The following MAEL variants were observed in gnomAD, a reference collection of about 807,000 sequenced individuals.
MAEL encodes the protein protein maelstrom homolog.
A neutral mutation model predicts 62.0 loss-of-function variants in MAEL; 46 were observed. The ratio of observed to expected loss-of-function variants is 0.74; its 90% CI spans 0.59 to 0.95. The LOEUF is 0.95. Ranked by LOEUF, MAEL falls within the 40% of genes least tolerant of loss-of-function variation. MAEL has a pLI of 0.00. For synonymous variants in MAEL, 172 were observed against 175.5 expected (o/e 0.98, Z 0.16); for missense variants, 497 against 526.8 (o/e 0.94, Z 0.55).
chr1:167,017,716 A>C (rs1159278458), intron 9 of MAEL, 111 bp from the exon 10 acceptor site: 2 of 920,110 alleles, frequency 2.2e-6, no homozygotes, highest in African/African-American at 3.4e-5. Flanking sequence ...ATTTTTTCCC[A>C]GTTTATAACA....
intron 1 of MAEL, 73 bp from the exon 2 acceptor site, chr1:166,989,664 C>T: frequency 1.3e-6 from 2 of 1,496,398 alleles, no homozygotes; most frequent in Non-Finnish European, 1.8e-6. Flanking sequence ...AATGCCCCAG[C>T]ATCTGCCTGC....
intron 5 of MAEL, among the ~76,000 whole-genome samples, chr1:167,001,394 C>T (rs1248362733): frequency 2.6e-5 from 4 of 152,120 alleles, no homozygotes; most frequent in Non-Finnish European, 5.9e-5. Context: ...ACCACCTGTT[C>T]CCCAAAAACC....
At chr1:167,021,262 A>C (rs1012687676) in intron 11 of MAEL, 102 bp downstream of exon 11, 8 of 803,030 alleles carry the variant, frequency 1.0e-5, no homozygotes, top group Non-Finnish European at 1.4e-5. Flanking sequence ...AATTAGCTTT[A>C]GGATATAAGA....
At chr1:166,983,580 C>G (rs1008267451) in intron 1 of MAEL, among the ~76,000 whole-genome samples, 3 of 152,174 alleles carry the variant, frequency 2.0e-5, no homozygotes, top group African/African-American at 7.2e-5. Context: ...GATCCACCCC[C>G]TCCACATATT....
chr1:166,988,786 G>A (rs1207164674), upstream of MAEL, among the ~76,000 whole-genome samples: 1 of 152,104 alleles, frequency 6.6e-6, no homozygotes, highest in Non-Finnish European at 1.5e-5. Flanking sequence ...CTCTTCCTCT[G>A]TTTCCTTCTA....
chr1:166,991,662 G>GTTT (rs149104032), intron 3 of MAEL, among the ~76,000 whole-genome samples, 185 bp downstream of exon 3: 1 of 148,450 alleles, frequency 6.7e-6, no homozygotes, highest in African/African-American at 2.5e-5. Context: ...TAGGAGAGTG[G>GTTT]TTTTTTTTTT....
chr1:167,017,216 T>C (rs1665432832), intron 9 of MAEL, among the ~76,000 whole-genome samples: 1 of 152,146 alleles, frequency 6.6e-6, no homozygotes, highest in South Asian at 2.1e-4. Flanking sequence ...TACTACACAT[T>C]GCATGCTTGT....
chr1:166,980,662 G>A (rs1663733866), intron 1 of MAEL, among the ~76,000 whole-genome samples: 1 of 152,178 alleles, frequency 6.6e-6, no homozygotes, highest in Non-Finnish European at 1.5e-5. Flanking sequence ...GAAGGTTACT[G>A]CTCTTTTAGG....
At chr1:167,020,093 A>G (rs2102134402) in intron 10 of MAEL, among the ~76,000 whole-genome samples, 1 of 152,286 alleles carries the variant, frequency 6.6e-6, no homozygotes, top group African/African-American at 2.4e-5. Context: ...ACTGGGATAT[A>G]CAATTCATTT....
intron 5 of MAEL, among the ~76,000 whole-genome samples, chr1:166,997,502 T>C (rs1664479588): frequency 6.6e-6 from 1 of 152,190 alleles, no homozygotes; most frequent in Admixed American, 6.5e-5. Context: ...ACTCTCTTTA[T>C]GGTGTCTTTT....
chr1:167,007,226 C>A (rs936483232), intron 8 of MAEL, among the ~76,000 whole-genome samples: 1 of 151,058 alleles, frequency 6.6e-6, no homozygotes, highest in African/African-American at 2.4e-5. Context: ...ACATTTTAAT[C>A]TATTATTGTA....
chr1:167,016,112 G>A (rs540788383), intron 8 of MAEL, 110 bp from the exon 9 acceptor site: 118 of 917,644 alleles, frequency 1.3e-4, no homozygotes, highest in Non-Finnish European at 1.9e-4. Flanking sequence ...TGAAGTTTTA[G>A]TCTTCAAGTA....
At chr1:167,020,924 C>G (rs1177847627) in intron 10 of MAEL, among the ~76,000 whole-genome samples, 161 bp from the exon 11 acceptor site, 1 of 152,066 alleles carries the variant, frequency 6.6e-6, no homozygotes, top group African/African-American at 2.4e-5. Context: ...CAAAGTCTAT[C>G]CTATTTTCTC....
At chr1:167,000,012 A>T (rs912504969) in intron 5 of MAEL, among the ~76,000 whole-genome samples, 5 of 152,216 alleles carry the variant, frequency 3.3e-5, no homozygotes, top group Admixed American at 1.3e-4. Flanking sequence ...CATTGACATT[A>T]GACCTAGTCA....
rs1665636327 is a variant in MAEL at position 167,021,700 on chromosome 1, C to CA, written c.1154dup (p.Asn385LysfsTer30). Reference sequence around the variant, plus strand: ...CCCATCTAGGGCAAAAATTTCTGGCCAAAACAGCAGCGTTCGGGGAAGAGG... The same window carrying CA: ...CCCATCTAGGGCAAAAATTTCTGGCCAAAAACAGCAGCGTTCGGGGAAGAGG... On this transcript the variant is annotated frameshift_variant, in exon 12 of 12. Transcript: ENST00000367872. LOFTEE classifies it high-confidence loss of function. 12 of 1,608,508 alleles carry CA rather than the reference C, an allele frequency of 7.5e-6. No homozygotes were observed. Among genetic ancestry groups the CA allele is most frequent in the African/African-American group, 1.3e-5 (1 of 74,636 alleles).
At chr1:166,980,198 T>C (rs566973006) in intron 1 of MAEL, among the ~76,000 whole-genome samples, 96 of 146,090 alleles carry the variant, frequency 6.6e-4, no homozygotes, top group African/African-American at 2.2e-3. Context: ...TTAATTTGTA[T>C]TTTTTTTTTT....
chr1:167,009,995 A>G (rs1272970589), intron 8 of MAEL, among the ~76,000 whole-genome samples: 1 of 152,148 alleles, frequency 6.6e-6, no homozygotes, highest in Non-Finnish European at 1.5e-5. Flanking sequence ...GGTAATTGAT[A>G]TACTTTGGCT....
chr1:166,996,114 A>G lies in MAEL; in HGVS notation c.523+2045A>G, dbSNP rs536900845. On this transcript the variant is annotated intron_variant, in intron 5 of 11. Transcript: ENST00000367872. ...GGGAAATGTGCCAATTAAATAAGAT[A>G]AAAATGACTATTAGAGTCACACCTG... Among the ~76,000 whole-genome samples the G allele has an allele frequency of 3.4e-3, 515 of 152,364 alleles. 1 individual carries two copies. The highest frequency in any genetic ancestry group is 0.011 in the African/African-American group (462 of 41,580).
chr1:167,002,168 G>T (rs900599222), intron 5 of MAEL, among the ~76,000 whole-genome samples: 3 of 152,108 alleles, frequency 2.0e-5, no homozygotes, highest in African/African-American at 7.2e-5. Flanking sequence ...ATAATATACC[G>T]AGTTTGGTTT....
Sources: allele counts gnomAD v4.1 joint callset (sites outside exome capture counted in the v4.1 genomes callset), GRCh38; gene constraint gnomAD v4.1.1; transcripts MANE v1.5; gene names NCBI Gene and HGNC (gene_info 2026-07-23, HGNC 2026-07-21).